PDXDC1: variants seen among roughly 807,000 people sequenced by gnomAD.
The protein encoded by PDXDC1 is pyridoxal-dependent decarboxylase domain-containing protein 1.
Under a neutral mutation model 100.1 loss-of-function variants are expected in PDXDC1, and 42 were observed. The observed-to-expected ratio is 0.42, with a 90% CI of 0.33 to 0.54. The LOEUF is 0.54. Among genes scored for constraint, PDXDC1 ranks in the 20% least tolerant of loss-of-function variants. PDXDC1 has a pLI of 0.10. For missense variants in PDXDC1, 636 were observed against 979.2 expected (o/e 0.65, Z 4.68); for synonymous variants, 260 against 371.7 (o/e 0.70, Z 3.46).
intron 2 of PDXDC1, among the ~76,000 whole-genome samples, chr16:14,998,096 A>G (rs1251001959): frequency 2.0e-5 from 3 of 152,282 alleles, no homozygotes; most frequent in Non-Finnish European, 2.9e-5. Flanking sequence ...CTTATTATAT[A>G]TTCAGGTCAT....
At chr16:15,130,803 C>T (rs752063445) in intron 16 of PDXDC1, 17 of 939,410 alleles carry the variant, frequency 1.8e-5, no homozygotes, top group South Asian at 5.3e-5. Flanking sequence ...TGGGGCAGAA[C>T]GCGCAGGTCA....
At chr16:15,010,950 C>T (rs11645958) in intron 8 of PDXDC1, among the ~76,000 whole-genome samples, 27,870 of 145,698 alleles carry the variant, frequency 0.19, 7 homozygotes, top group Middle Eastern at 0.29. Context: ...GACCCAAGAA[C>T]GATATGCCAT....
chr16:15,001,352 G>A (rs1345627928), intron 3 of PDXDC1, among the ~76,000 whole-genome samples: 26 of 152,272 alleles, frequency 1.7e-4, no homozygotes, highest in Admixed American at 4.6e-4. Flanking sequence ...AGCCGAGCGT[G>A]GTGGCGCAAG....
intron 16 of PDXDC1, chr16:15,104,301 G>A: frequency 6.7e-7 from 1 of 1,494,212 alleles, no homozygotes; most frequent in Non-Finnish European, 9.0e-7. Flanking sequence ...AATAACATAA[G>A]GACTGCAGTA....
chr16:14,977,962 C>G (rs1244011625), intron 1 of PDXDC1, among the ~76,000 whole-genome samples: 1 of 152,254 alleles, frequency 6.6e-6, no homozygotes, highest in East Asian at 1.9e-4. Context: ...AAAACAAAAA[C>G]AAAATGTAGT....
chr16:15,152,146 G>T, the PDXDC1 span, among the ~76,000 whole-genome samples: 1 of 137,672 alleles, frequency 7.3e-6, no homozygotes, highest in Non-Finnish European at 1.6e-5. Context: ...CCCAAGGCAG[G>T]CTGTGGCCTC....
At chr16:14,999,525 A>G (rs1444052783) in intron 3 of PDXDC1, among the ~76,000 whole-genome samples, 1 of 152,230 alleles carries the variant, frequency 6.6e-6, no homozygotes, top group Non-Finnish European at 1.5e-5. Context: ...CCTGAACAAC[A>G]TGGCGAGACC....
At chr16:14,978,059 G>A (rs1246125474) in intron 1 of PDXDC1, among the ~76,000 whole-genome samples, 15 of 151,850 alleles carry the variant, frequency 9.9e-5, no homozygotes, top group Non-Finnish European at 7.4e-5. Context: ...TTATGTAAAC[G>A]TGCAGACCTG....
chr16:15,033,090 C>T, intron 18 of PDXDC1, 111 bp downstream of exon 18: 1 of 971,572 alleles, frequency 1.0e-6, no homozygotes, highest in South Asian at 1.4e-5. Flanking sequence ...GGCTGGGTTC[C>T]AGGCGAAGAT....
In PDXDC1 at chr16:15,047,285, G is replaced by C. The variant is rs555107612; in HGVS notation, c.1399+17229G>C. On this transcript the variant is annotated intron_variant, in intron 16 of 16. Transcript: ENST00000535621. ...CCCACTCATTCACTCAACCACTGCT[G>C]ACGCAGTGCCCACGTCGTGCCAGGT... 1.1e-5 allele frequency: 7 copies of C among 623,650 alleles called. No homozygotes were observed. In the East Asian group the frequency reaches 1.4e-4, roughly 12 times the overall value. The allele number at this position is 623,650 out of a possible 1,614,324, so 38.6% of individuals were successfully genotyped here. A position where few individuals can be genotyped will look rare whatever the true frequency, so the allele number is the denominator to read the frequency against.
At chr16:15,038,336 G>A (rs1210041743), downstream of PDXDC1, 226 of 693,560 alleles carry the variant, frequency 3.3e-4, 1 homozygote, top group Non-Finnish European at 3.0e-5. Flanking sequence ...GAAATGAGGT[G>A]GCCTGAATTA....
chr16:15,047,845 CTCA>C, intron 16 of PDXDC1: 2 of 1,607,644 alleles, frequency 1.2e-6, no homozygotes, highest in Non-Finnish European at 1.7e-6. Context: ...CTTCACCTCT[CTCA>C]TCATACCTGT....
intron 8 of PDXDC1, among the ~76,000 whole-genome samples, chr16:15,011,005 C>T (rs866941958): frequency 2.0e-5 from 3 of 152,304 alleles, no homozygotes; most frequent in Non-Finnish European, 2.9e-5. Context: ...TCTTCCCAAA[C>T]TAATCTGTAG....
chr16:15,072,946 T>C, intron 16 of PDXDC1: 3 of 1,613,258 alleles, frequency 1.9e-6, no homozygotes, highest in Non-Finnish European at 2.5e-6. Context: ...ACATTCTTAC[T>C]CACCAATTTG....
chr16:15,127,410 G>C lies in PDXDC1; in HGVS notation c.1400-11469G>C, dbSNP rs759587970. The C allele has an allele frequency of 7.2e-6, 10 of 1,385,680 alleles. No individual in the cohort carries two copies. The South Asian group carries it at 1.2e-4, about 17-fold the overall frequency. 85.8% of individuals were successfully genotyped at this position (1,385,680 alleles called of 1,614,324 possible). A position where few individuals can be genotyped will look rare whatever the true frequency, so the allele number is the denominator to read the frequency against. On this transcript the variant is annotated intron_variant, in intron 16 of 16. Transcript: ENST00000535621. ...CAGCACTGGAAAGTGGCGGCTCTGG[G>C]CATGGTGCCGAGGCCCAGGCTCCAT...
chr16:15,123,836 A>G (rs2047558385), intron 16 of PDXDC1, among the ~76,000 whole-genome samples: 1 of 131,986 alleles, frequency 7.6e-6, no homozygotes, highest in Admixed American at 8.0e-5. Flanking sequence ...TTTCAACTCA[A>G]TGATGAGATC....
At chr16:15,043,713 GC>G (rs1290007504) in intron 16 of PDXDC1, among the ~76,000 whole-genome samples, 2 of 152,114 alleles carry the variant, frequency 1.3e-5, no homozygotes, top group Non-Finnish European at 2.9e-5. Flanking sequence ...ACTTTAAGAG[GC>G]CGAGGCAGGT....
chr16:15,023,237 AT>A (rs2151556859), intron 13 of PDXDC1, among the ~76,000 whole-genome samples: 2 of 152,402 alleles, frequency 1.3e-5, no homozygotes, highest in South Asian at 4.1e-4. Context: ...CCTGAAGTGA[AT>A]CCAACAGATT....
In PDXDC1 at chr16:15,131,691, C is replaced by T. The variant is rs1165897307; in HGVS notation, c.1400-7188C>T. On this transcript the variant is annotated intron_variant, in intron 16 of 16. Transcript: ENST00000535621. The stretch of plus-strand genomic sequence containing the variant: ...GTGGTGCCCGCACGTCTGAGCTGGC[C>T]AGGTGGATGAGGTCTCCTGCAGACA... 15 of 1,543,436 alleles carry T rather than the reference C, an allele frequency of 9.7e-6. No individual in the cohort carries two copies. In the East Asian group the frequency reaches 2.4e-4, roughly 25 times the overall value.
Sources: gnomAD v4.1 joint callset for allele counts (sites outside exome capture counted in the v4.1 genomes callset) on GRCh38, gnomAD v4.1.1 for gene constraint, MANE v1.5 for transcripts, NCBI Gene and HGNC (gene_info 2026-07-23, HGNC 2026-07-21) for gene names.